NELL1: variants seen among roughly 807,000 people sequenced by gnomAD.
NELL1 encodes neural EGFL like 1, also known as protein kinase C-binding protein NELL1.
A neutral mutation model predicts 107.4 loss-of-function variants in NELL1; 76 were observed. That is an observed-to-expected ratio of 0.71 (90% CI 0.59 to 0.86). The LOEUF (loss-of-function observed/expected upper bound fraction) is 0.86, where lower values mean the gene tolerates loss of function less well. Among genes scored for constraint, NELL1 ranks in the 40% least tolerant of loss-of-function variants. NELL1 has a pLI of 0.00. For missense variants in NELL1, 1,024 were observed against 1,005.5 expected (o/e 1.02, Z -0.25); for synonymous variants, 353 against 341.2 (o/e 1.03, Z -0.38).
chr11:21,363,869 C>T (rs1160639869), intron 14 of NELL1, among the ~76,000 whole-genome samples: 1 of 152,084 alleles, frequency 6.6e-6, no homozygotes, highest in Non-Finnish European at 1.5e-5. Flanking sequence ...GAAGCATATA[C>T]ACTGGCCAAA....
intron 12 of NELL1, among the ~76,000 whole-genome samples, chr11:21,063,875 T>C (rs1017914666): frequency 6.6e-6 from 1 of 152,214 alleles, no homozygotes; most frequent in African/African-American, 2.4e-5. Context: ...TTGAAGTTGG[T>C]GCTATGGGAG....
intron 12 of NELL1, among the ~76,000 whole-genome samples, chr11:20,968,039 C>T (rs2134225058): frequency 6.6e-6 from 1 of 152,256 alleles, no homozygotes; most frequent in Non-Finnish European, 1.5e-5. Context: ...ATCTGCTTTC[C>T]AGGCCTTGTT....
At chr11:21,442,104 A>C (rs531378163) in intron 15 of NELL1, among the ~76,000 whole-genome samples, 1 of 152,358 alleles carries the variant, frequency 6.6e-6, no homozygotes, top group South Asian at 2.1e-4. Flanking sequence ...ATAGAGAAAT[A>C]TAGTAGACTG....
intron 3 of NELL1, among the ~76,000 whole-genome samples, chr11:20,786,360 AAG>A (rs1554920458): frequency 6.6e-6 from 1 of 151,782 alleles, no homozygotes; most frequent in Non-Finnish European, 1.5e-5. Flanking sequence ...CAAAAAAAAA[AAG>A]AAAAAAAAAG....
At chr11:21,406,803 A>C (rs1377702062) in intron 15 of NELL1, among the ~76,000 whole-genome samples, 1 of 152,022 alleles carries the variant, frequency 6.6e-6, no homozygotes, top group Non-Finnish European at 1.5e-5. Context: ...CCCTCACCTC[A>C]AATATGTTTC....
intron 14 of NELL1, among the ~76,000 whole-genome samples, chr11:21,358,565 ATTTTT>A (rs75578174): frequency 9.2e-5 from 9 of 97,682 alleles, no homozygotes; most frequent in South Asian, 4.0e-4. Context: ...TGCCCTGATA[ATTTTT>A]TTTTTTTTTT....
rs115471517 is a variant in NELL1 at position 20,973,850 on chromosome 11, G to A, written c.1300+13290G>A. Among the ~76,000 whole-genome samples, 722 of 152,236 alleles carry A rather than the reference G, an allele frequency of 4.7e-3. 2 individuals carry two copies. The highest frequency in any genetic ancestry group is 0.016 in the African/African-American group (681 of 41,532). On this transcript the variant is annotated intron_variant, in intron 12 of 19. Transcript: ENST00000357134. ...CTTTATCACTTTTCCTGCTACTGCC[G>A]AATGCTGAATTTTGTCTTTTGATGC...
At chr11:20,949,061 A>G (rs1851022330) in intron 11 of NELL1, among the ~76,000 whole-genome samples, 1 of 152,224 alleles carries the variant, frequency 6.6e-6, no homozygotes, top group South Asian at 2.1e-4. Context: ...TACAACTAAC[A>G]GAAGAAAGTT....
intron 13 of NELL1, among the ~76,000 whole-genome samples, chr11:21,158,082 T>A (rs1312159805): frequency 6.6e-6 from 1 of 152,110 alleles, no homozygotes; most frequent in African/African-American, 2.4e-5. Flanking sequence ...AGGACTAGAC[T>A]CGCTAAGTCT....
At chr11:21,572,505 G>A (rs1260250552) in intron 18 of NELL1, among the ~76,000 whole-genome samples, 1 of 151,862 alleles carries the variant, frequency 6.6e-6, no homozygotes, top group Non-Finnish European at 1.5e-5. Context: ...TTATGCCATA[G>A]ATTATAATTC....
chr11:21,306,237 A>ATT (rs1215565568), intron 14 of NELL1, among the ~76,000 whole-genome samples: 3 of 152,036 alleles, frequency 2.0e-5, no homozygotes, highest in Admixed American at 1.3e-4. Flanking sequence ...TACTGAAACA[A>ATT]TTAATCAATT....
chr11:21,126,543 C>CA (rs539157484), intron 13 of NELL1, among the ~76,000 whole-genome samples: 96 of 152,256 alleles, frequency 6.3e-4, no homozygotes, highest in African/African-American at 2.3e-3. Context: ...CAGTTTATAA[C>CA]ACCAAGAAAG....
At chr11:20,846,540 C>T (rs1003416767) in intron 3 of NELL1, among the ~76,000 whole-genome samples, 1 of 152,126 alleles carries the variant, frequency 6.6e-6, no homozygotes, top group African/African-American at 2.4e-5. Flanking sequence ...GAGTTAGTGC[C>T]TGGTGAGGCT....
At chr11:21,478,847 A>AT (rs1590963535) in intron 15 of NELL1, among the ~76,000 whole-genome samples, 1 of 151,728 alleles carries the variant, frequency 6.6e-6, no homozygotes, top group Non-Finnish European at 1.5e-5. Flanking sequence ...ATAAGAAAAA[A>AT]AAAAACTGAT....
rs151159032 is a variant in NELL1 at position 21,009,642 on chromosome 11, C to T, written c.1300+49082C>T. Among the ~76,000 whole-genome samples, 1,093 of 152,106 alleles carry T rather than the reference C, an allele frequency of 7.2e-3. 9 individuals carry two copies. Among genetic ancestry groups the T allele is most frequent in the Non-Finnish European group, 8.6e-3 (586 of 67,978 alleles). On this transcript the variant is annotated intron_variant, in intron 12 of 19. Transcript: ENST00000357134. ...TTTGCCAGTTTGCTGAGAAGAGTTC[C>T]GTCTCTTAGGGACAGGATTATATTT...
In NELL1 at chr11:20,677,849, C is replaced by T. The variant is rs569130186; in HGVS notation, c.56-83C>T. ...ACTCATCATTGGCTTCCTTGTATTC[C>T]CTGCCACTCCCCGACTCTGTAACCT... On this transcript the variant is annotated intron_variant, in intron 1 of 19. Coordinates refer to ENST00000357134, the MANE Select transcript of NELL1 (RefSeq NM_006157.5). The T allele has an allele frequency of 2.0e-5, 31 of 1,534,420 alleles. 1 individual carries two copies. In the African/African-American group the frequency reaches 3.7e-4, roughly 18 times the overall value.
At chr11:21,373,852 CA>C (rs1475455438) in intron 15 of NELL1, among the ~76,000 whole-genome samples, 2 of 152,070 alleles carry the variant, frequency 1.3e-5, no homozygotes, top group Non-Finnish European at 2.9e-5. Flanking sequence ...TTTGGTTTTA[CA>C]ATTAGCATGG....
chr11:21,166,338 G>A (rs182634076), intron 13 of NELL1, among the ~76,000 whole-genome samples: 13 of 151,862 alleles, frequency 8.6e-5, no homozygotes, highest in East Asian at 1.9e-4. Flanking sequence ...ACACAACAGA[G>A]TGACTACAGT....
chr11:21,217,308 A>ATACATTGGGGAAAGGTAGGCAAAGGG (rs1490263492), intron 13 of NELL1, among the ~76,000 whole-genome samples: 3 of 152,168 alleles, frequency 2.0e-5, no homozygotes, highest in Non-Finnish European at 4.4e-5. Flanking sequence ...GAACGAGATA[A>ATACATTGGGGAAAGGTAGGCAAAGGG]TACATTGGGG....
Sources: allele counts gnomAD v4.1 joint callset (sites outside exome capture counted in the v4.1 genomes callset), GRCh38; gene constraint gnomAD v4.1.1; transcripts MANE v1.5; gene names NCBI Gene and HGNC (gene_info 2026-07-23, HGNC 2026-07-21).